The following ZFAND3 variants were observed in gnomAD, a reference collection of about 807,000 sequenced individuals.
The protein encoded by ZFAND3 is zinc finger AN1-type containing 3.
A neutral mutation model predicts 29.6 loss-of-function variants in ZFAND3; 10 were observed. The ratio of observed to expected loss-of-function variants is 0.34; its 90% CI spans 0.21 to 0.57. The LOEUF is 0.57. ZFAND3 is among the 20% of genes least tolerant of loss of function. The probability of loss-of-function intolerance (pLI) is 0.86; values close to 1 mark genes in which losing one functional copy is unlikely to be tolerated. For missense variants in ZFAND3, 230 were observed against 304.5 expected, an observed-to-expected ratio of 0.76 and a Z score of 1.82; for synonymous variants, 128 against 112.6, an observed-to-expected ratio of 1.14 and a Z score of -0.87.
Position 38,057,376 on chromosome 6 carries a change from G to T in ZFAND3, c.113-4217G>T, listed in dbSNP as rs982228592. On this transcript the variant is annotated intron_variant, in intron 2 of 5. Transcript: ENST00000287218. ...GATGCTGGGTGGTTCAGAAAGAAAG[G>T]CCTAAGAGAATAAGAACTGTGATGC... 2.0e-5 allele frequency among the ~76,000 whole-genome samples: 3 copies of T among 152,174 alleles called. No individual in the cohort carries two copies. The South Asian group carries it at 6.2e-4, about 31-fold the overall frequency.
intron 2 of ZFAND3, among the ~76,000 whole-genome samples, chr6:37,972,926 A>G (rs942994368): frequency 6.6e-5 from 10 of 152,180 alleles, no homozygotes; most frequent in Middle Eastern, 3.2e-3. Flanking sequence ...TGAATTATTC[A>G]TGCAATTTGC....
intron 2 of ZFAND3, among the ~76,000 whole-genome samples, chr6:38,033,978 A>G (rs1763611483): frequency 6.6e-6 from 1 of 152,236 alleles, no homozygotes; most frequent in South Asian, 2.1e-4. Context: ...TTAAAATTCT[A>G]GAATTTAAAA....
chr6:37,923,743 A>G (rs1761428523), intron 1 of ZFAND3, among the ~76,000 whole-genome samples: 1 of 152,192 alleles, frequency 6.6e-6, no homozygotes. Context: ...TTTTGGCTGC[A>G]TAATAATCTT....
At chr6:37,968,446 A>T (rs775968823) in intron 2 of ZFAND3, among the ~76,000 whole-genome samples, 4 of 151,102 alleles carry the variant, frequency 2.6e-5, no homozygotes, top group Non-Finnish European at 4.4e-5. Context: ...CTGACAGAGG[A>T]TCAGTAGGAA....
intron 2 of ZFAND3, among the ~76,000 whole-genome samples, chr6:37,962,416 G>A (rs1039769983): frequency 1.3e-5 from 2 of 152,164 alleles, no homozygotes. Context: ...ATAGAGATAG[G>A]CATAGAAAGT....
At chr6:38,076,365 T>C (rs12206414) in intron 3 of ZFAND3, among the ~76,000 whole-genome samples, 70,508 of 152,006 alleles carry the variant, frequency 0.46, 17,065 homozygotes, top group Non-Finnish European at 0.53. Flanking sequence ...CCATATTTGC[T>C]TTATTACAGT....
At chr6:37,830,178 G>T (rs1430839768) in intron 1 of ZFAND3, among the ~76,000 whole-genome samples, 3 of 152,140 alleles carry the variant, frequency 2.0e-5, no homozygotes, top group Admixed American at 2.0e-4. Flanking sequence ...AAAAGTCATT[G>T]GACAGAGATC....
intron 1 of ZFAND3, among the ~76,000 whole-genome samples, chr6:37,884,718 C>A (rs1237068093): frequency 8.4e-6 from 1 of 118,378 alleles, no homozygotes; most frequent in East Asian, 2.1e-4. Flanking sequence ...ATTGTAGGGT[C>A]ATTCCAGGTA....
chr6:37,948,249 A>T (rs902139676), intron 2 of ZFAND3, among the ~76,000 whole-genome samples: 1 of 152,190 alleles, frequency 6.6e-6, no homozygotes, highest in African/African-American at 2.4e-5. Flanking sequence ...TTTGTATCAT[A>T]TTTAGCTTCA....
chr6:38,046,124 A>C (rs1011381553), intron 2 of ZFAND3, among the ~76,000 whole-genome samples: 1 of 152,224 alleles, frequency 6.6e-6, no homozygotes, highest in Non-Finnish European at 1.5e-5. Flanking sequence ...ATTTGTCAGA[A>C]TTAATGGTAA....
intron 2 of ZFAND3, among the ~76,000 whole-genome samples, chr6:37,979,228 G>A (rs1286422924): frequency 3.9e-5 from 6 of 152,194 alleles, no homozygotes; most frequent in Non-Finnish European, 1.5e-5. Context: ...AAATTCTGCT[G>A]TGGTGGTGTT....
At chr6:38,107,171 G>A (rs140666158) in intron 4 of ZFAND3, among the ~76,000 whole-genome samples, 5 of 152,296 alleles carry the variant, frequency 3.3e-5, no homozygotes, top group African/African-American at 9.6e-5. Context: ...AGAATGACTT[G>A]TGTGGCCTGC....
At chr6:37,953,057 G>A (rs1036986632) in intron 2 of ZFAND3, among the ~76,000 whole-genome samples, 2 of 151,750 alleles carry the variant, frequency 1.3e-5, no homozygotes, top group Non-Finnish European at 2.9e-5. Context: ...AGGTAGTTGA[G>A]TGTTGCTTTG....
intron 1 of ZFAND3, among the ~76,000 whole-genome samples, chr6:37,881,941 A>G (rs1452559432): frequency 6.6e-6 from 1 of 152,188 alleles, no homozygotes; most frequent in African/African-American, 2.4e-5. Flanking sequence ...TGAAGACTAT[A>G]GGTCAGTGGT....
intron 1 of ZFAND3, among the ~76,000 whole-genome samples, chr6:37,909,809 A>G (rs954528818): frequency 5.3e-5 from 8 of 152,114 alleles, no homozygotes; most frequent in Non-Finnish European, 1.0e-4. Flanking sequence ...CAGCATGTCA[A>G]TAATATCAGT....
At chr6:38,117,283 G>T (rs1765439548) in intron 5 of ZFAND3, among the ~76,000 whole-genome samples, 3 of 118,644 alleles carry the variant, frequency 2.5e-5, no homozygotes, top group South Asian at 2.5e-4. Context: ...TTTTTTCCTG[G>T]GCTGAATCCA....
At chr6:37,821,448 A>G (rs1394947670) in intron 1 of ZFAND3, among the ~76,000 whole-genome samples, 1 of 152,234 alleles carries the variant, frequency 6.6e-6, no homozygotes, top group Admixed American at 6.5e-5. Context: ...TGGACTGTCT[A>G]ATTCCCACAA....
chr6:37,953,789 G>A (rs961116530), intron 2 of ZFAND3, among the ~76,000 whole-genome samples: 2 of 152,052 alleles, frequency 1.3e-5, no homozygotes, highest in Admixed American at 1.3e-4. Flanking sequence ...TAATTAAGAA[G>A]ATATCATATG....
At chr6:38,046,409 A>G (rs73419919) in intron 2 of ZFAND3, among the ~76,000 whole-genome samples, 10,390 of 152,288 alleles carry the variant, frequency 0.068, 425 homozygotes, top group Non-Finnish European at 0.087. Context: ...TCAAGACATA[A>G]TTACCCATGC....
Sources: allele counts gnomAD v4.1 joint callset (sites outside exome capture counted in the v4.1 genomes callset), GRCh38; gene constraint gnomAD v4.1.1; transcripts MANE v1.5; gene names NCBI Gene and HGNC (gene_info 2026-07-23, HGNC 2026-07-21).